Variants in FSTL5 observed in about 807,000 individuals in gnomAD.
FSTL5 encodes follistatin-related protein 5.
Under a neutral mutation model 89.1 loss-of-function variants are expected in FSTL5, and 62 were observed. The observed-to-expected ratio is 0.70, with a 90% CI of 0.57 to 0.86. FSTL5 has a LOEUF of 0.86. Among genes scored for constraint, FSTL5 ranks in the 40% least tolerant of loss-of-function variants. FSTL5 has a pLI of 0.00. For synonymous variants in FSTL5, 383 were observed against 346.2 expected (o/e 1.11, Z -1.18); for missense variants, 1,057 against 1,001.6 (o/e 1.06, Z -0.75).
chr4:161,927,160 A>T (rs1734149977), intron 3 of FSTL5, among the ~76,000 whole-genome samples: 2 of 151,902 alleles, frequency 1.3e-5, no homozygotes, highest in Admixed American at 1.3e-4. Context: ...TAGATAATAA[A>T]TAGGAAAATA....
intron 15 of FSTL5, chr4:161,388,276 A>G (rs1258935473): frequency 2.0e-5 from 3 of 152,066 alleles, no homozygotes; most frequent in Non-Finnish European, 4.4e-5. Flanking sequence ...CCCAGCTCAT[A>G]CCATACCCAT....
chr4:161,847,538 G>A lies in FSTL5; in HGVS notation c.410-71464C>T, dbSNP rs1321346524. ...GCACTATTTACTGAATCTTTAGAGC[G>A]AAGGCACCTTTAGAGTCACTTGTAG... On this transcript the variant is annotated intron_variant, in intron 4 of 15. Coordinates refer to ENST00000306100, the MANE Select transcript of FSTL5 (RefSeq NM_020116.5). Among the ~76,000 whole-genome samples the A allele has an allele frequency of 3.3e-5, 5 of 152,268 alleles. No homozygotes were observed. In the East Asian group the frequency reaches 5.8e-4, roughly 18 times the overall value.
At chr4:161,910,234 G>A (rs1168571946) in intron 4 of FSTL5, among the ~76,000 whole-genome samples, 1 of 151,936 alleles carries the variant, frequency 6.6e-6, no homozygotes, top group Non-Finnish European at 1.5e-5. Context: ...TCTTCTTCAT[G>A]ACCTCCGAAG....
At chr4:161,508,350 C>G (rs911321491) in intron 11 of FSTL5, among the ~76,000 whole-genome samples, 6 of 152,172 alleles carry the variant, frequency 3.9e-5, no homozygotes, top group African/African-American at 1.4e-4. Flanking sequence ...ACAACAAGTA[C>G]TGTTATGATA....
intron 4 of FSTL5, among the ~76,000 whole-genome samples, chr4:161,778,758 A>G (rs533830019): frequency 1.3e-5 from 2 of 152,358 alleles, no homozygotes; most frequent in East Asian, 1.9e-4. Flanking sequence ...GAGAGAAGTA[A>G]TCAAATCCGT....
rs558353806 is a variant in FSTL5, at chr4:161,461,681, T to C, written c.1609-2362A>G. ...GTTAATTGTGTTAGAATGCCAGATG[T>C]TTCATTTAAATTTTTTCATGTACTA... On this transcript the variant is annotated intron_variant, in intron 13 of 15. Coordinates refer to ENST00000306100, the MANE Select transcript of FSTL5 (RefSeq NM_020116.5). Among the ~76,000 whole-genome samples the C allele has an allele frequency of 1.4e-4, 21 of 152,152 alleles. No homozygotes were observed. The South Asian group carries it at 2.9e-3, about 21-fold the overall frequency.
At position 162,045,120 on chromosome 4, in the gene FSTL5, G is replaced by A. The variant is rs1665313091; in HGVS notation, c.127-11462C>T. On this transcript the variant is annotated intron_variant, in intron 2 of 15. Transcript: ENST00000306100. ...AGAGGCTTAGCTTTCAGCCTGTCTC[G>A]GCTTTTGTTATAACTTTCTCAGTAA... Among the ~76,000 whole-genome samples the A allele has an allele frequency of 2.0e-5, 3 of 152,018 alleles. No individual in the cohort carries two copies. In the South Asian group the frequency reaches 6.2e-4, roughly 32 times the overall value.
chr4:162,062,880 A>G (rs1257394697), intron 2 of FSTL5, among the ~76,000 whole-genome samples: 3 of 151,694 alleles, frequency 2.0e-5, no homozygotes, highest in Non-Finnish European at 3.0e-5. Context: ...TCAAATTTCT[A>G]TATAGACAAA....
intron 3 of FSTL5, among the ~76,000 whole-genome samples, chr4:161,925,061 A>G (rs1045831886): frequency 6.6e-6 from 1 of 151,786 alleles, no homozygotes; most frequent in African/African-American, 2.4e-5. Flanking sequence ...ATTGGGTTCT[A>G]GTTGTAAAAT....
At chr4:161,519,518 T>C (rs1410507328) in intron 10 of FSTL5, among the ~76,000 whole-genome samples, 2 of 149,824 alleles carry the variant, frequency 1.3e-5, no homozygotes, top group African/African-American at 4.9e-5. Context: ...AGAGCAAGAC[T>C]CTATCTCAAA....
intron 13 of FSTL5, among the ~76,000 whole-genome samples, chr4:161,461,153 A>C (rs1192467973): frequency 6.6e-6 from 1 of 151,804 alleles, no homozygotes; most frequent in Non-Finnish European, 1.5e-5. Context: ...GAGGCCATGA[A>C]GCTATTAGGT....
chr4:161,783,993 T>C (rs1486058324), intron 4 of FSTL5, among the ~76,000 whole-genome samples: 1 of 151,384 alleles, frequency 6.6e-6, no homozygotes, highest in Non-Finnish European at 1.5e-5. Flanking sequence ...TACAGTGCGG[T>C]GGCGTGATCT....
intron 13 of FSTL5, among the ~76,000 whole-genome samples, chr4:161,465,650 C>T (rs1288774941): frequency 1.3e-5 from 2 of 152,092 alleles, no homozygotes; most frequent in East Asian, 3.8e-4. Context: ...CTTGAGAAGC[C>T]TATGGAAATG....
intron 6 of FSTL5, among the ~76,000 whole-genome samples, chr4:161,725,625 A>T (rs1739370699): frequency 6.6e-6 from 1 of 152,120 alleles, no homozygotes; most frequent in African/African-American, 2.4e-5. Flanking sequence ...TATTCAGTGC[A>T]TCTGTAAAAA....
intron 9 of FSTL5, among the ~76,000 whole-genome samples, chr4:161,541,619 A>C (rs1438202555): frequency 1.3e-5 from 2 of 152,044 alleles, no homozygotes; most frequent in African/African-American, 4.8e-5. Context: ...TAGAAGTTTT[A>C]AAAAGTTTTA....
intron 4 of FSTL5, among the ~76,000 whole-genome samples, chr4:161,818,195 G>A (rs767045662): frequency 3.9e-5 from 6 of 152,170 alleles, no homozygotes; most frequent in Non-Finnish European, 8.8e-5. Context: ...CCCACCAGTA[G>A]AAGCAGTAGA....
At chr4:161,890,328 T>C (rs941220372) in intron 4 of FSTL5, among the ~76,000 whole-genome samples, 2 of 152,128 alleles carry the variant, frequency 1.3e-5, no homozygotes, top group African/African-American at 4.8e-5. Context: ...AATTCAAATT[T>C]GGATGGACGA....
At chr4:161,891,411 CTTAG>C (rs777020877) in intron 4 of FSTL5, among the ~76,000 whole-genome samples, 13 of 152,048 alleles carry the variant, frequency 8.5e-5, no homozygotes, top group Non-Finnish European at 2.9e-5. Flanking sequence ...AGAAAGACAA[CTTAG>C]TTGGTAAAAA....
chr4:161,533,876 A>C (rs1395977456), intron 10 of FSTL5, among the ~76,000 whole-genome samples: 1 of 152,088 alleles, frequency 6.6e-6, no homozygotes, highest in Non-Finnish European at 1.5e-5. Flanking sequence ...TCAAAAAGTT[A>C]ATTCATCATG....
Sources: allele counts gnomAD v4.1 joint callset (sites outside exome capture counted in the v4.1 genomes callset), GRCh38; gene constraint gnomAD v4.1.1; transcripts MANE v1.5; gene names NCBI Gene and HGNC (gene_info 2026-07-23, HGNC 2026-07-21).